HMCN1: variants seen among roughly 807,000 people sequenced by gnomAD.
HMCN1 encodes the protein hemicentin 1.
Under a neutral mutation model 625.9 loss-of-function variants are expected in HMCN1, and 321 were observed. That is an observed-to-expected ratio of 0.51 (90% CI 0.47 to 0.56). The LOEUF is 0.56. HMCN1 is among the 20% of genes least tolerant of loss of function. The pLI, the probability that HMCN1 is intolerant of heterozygous loss-of-function variation, is 0.00. For synonymous variants in HMCN1, 2,425 were observed against 2,417.6 expected (o/e 1.00, Z -0.09); for missense variants, 6,588 against 6,887.3 (o/e 0.96, Z 1.54).
At chr1:185,971,711 T>C (rs1650847860) in intron 15 of HMCN1, among the ~76,000 whole-genome samples, 1 of 152,218 alleles carries the variant, frequency 6.6e-6, no homozygotes, top group South Asian at 2.1e-4. Context: ...CCTAACTTGA[T>C]ATTTGTTTCA....
chr1:186,089,146 C>T (rs1659697780), intron 63 of HMCN1, among the ~76,000 whole-genome samples: 1 of 151,928 alleles, frequency 6.6e-6, no homozygotes, highest in Non-Finnish European at 1.5e-5. Context: ...TATGATCTGA[C>T]CGCAGGTAGA....
At chr1:186,184,620 C>A (rs1157242167) in intron 105 of HMCN1, among the ~76,000 whole-genome samples, 6 of 152,110 alleles carry the variant, frequency 3.9e-5, no homozygotes, top group Admixed American at 3.9e-4. Flanking sequence ...TCTTATTCAT[C>A]CGTGTTTTAA....
chr1:185,902,397 CTATCTATCTCTA>C (rs1475954921), intron 4 of HMCN1, among the ~76,000 whole-genome samples: 3 of 136,306 alleles, frequency 2.2e-5, no homozygotes, highest in South Asian at 2.3e-4. Context: ...ATCTATCTAT[CTATCTATCTCTA>C]TCTATCTATC....
intron 36 of HMCN1, among the ~76,000 whole-genome samples, chr1:186,027,128 C>T (rs1307984021): frequency 6.6e-6 from 1 of 152,132 alleles, no homozygotes; most frequent in Non-Finnish European, 1.5e-5. Flanking sequence ...TTTCTCAAAG[C>T]TGTAGTAAGG....
chr1:186,125,175 T>C (rs1661584868), intron 81 of HMCN1, among the ~76,000 whole-genome samples: 1 of 152,146 alleles, frequency 6.6e-6, no homozygotes, highest in African/African-American at 2.4e-5. Context: ...GGGTGAGTGT[T>C]TTATAGTGTT....
rs532532861 is a variant in HMCN1, at chr1:185,877,455, T to A, written c.621+11592T>A. 9.2e-5 allele frequency among the ~76,000 whole-genome samples: 14 copies of A among 151,738 alleles called. No homozygotes were observed. The South Asian group carries it at 1.0e-3, about 11-fold the overall frequency. On this transcript the variant is annotated intron_variant, in intron 4 of 106. Transcript: ENST00000271588. ...ATTACTTTGGCTATAGGGCTCTTTT[T>A]TGGTTCAATATTAATTTCAGGATTT...
At chr1:186,091,094 G>C (rs1659817863) in intron 64 of HMCN1, among the ~76,000 whole-genome samples, 177 bp downstream of exon 64, 1 of 151,970 alleles carries the variant, frequency 6.6e-6, no homozygotes, top group South Asian at 2.1e-4. Flanking sequence ...ATTCTCGTTA[G>C]AGAGTCACTC....
chr1:185,973,198 G>T (rs1650951111), intron 15 of HMCN1, among the ~76,000 whole-genome samples: 1 of 152,258 alleles, frequency 6.6e-6, no homozygotes, highest in East Asian at 1.9e-4. Context: ...CATATCAGCT[G>T]TTACTGCTGT....
chr1:186,132,524 G>C (rs758338643), intron 86 of HMCN1, 115 bp downstream of exon 86: 1 of 830,808 alleles, frequency 1.2e-6, no homozygotes, highest in Non-Finnish European at 2.0e-6. Flanking sequence ...CTCAGAGTGT[G>C]TCTAATTTAG....
intron 75 of HMCN1, among the ~76,000 whole-genome samples, 169 bp downstream of exon 75, chr1:186,115,583 T>C (rs543816008): frequency 1.2e-4 from 18 of 152,322 alleles, no homozygotes; most frequent in African/African-American, 4.1e-4. Flanking sequence ...AAAATATTTT[T>C]CTGAATTATA....
At chr1:185,944,587 A>C (rs1159721685) in intron 11 of HMCN1, among the ~76,000 whole-genome samples, 1 of 152,178 alleles carries the variant, frequency 6.6e-6, no homozygotes, top group East Asian at 1.9e-4. Flanking sequence ...CTTTCTCTAG[A>C]GCTTTATAGA....
chr1:185,898,408 G>T (rs1282934176), intron 4 of HMCN1, among the ~76,000 whole-genome samples: 1 of 152,140 alleles, frequency 6.6e-6, no homozygotes, highest in East Asian at 1.9e-4. Context: ...GTCTGAAAAA[G>T]AATGAAGTCT....
chr1:185,900,094 A>G (rs1439940985), intron 4 of HMCN1, among the ~76,000 whole-genome samples: 1 of 151,664 alleles, frequency 6.6e-6, no homozygotes, highest in Non-Finnish European at 1.5e-5. Flanking sequence ...TTACTTTTCA[A>G]ACTCTCCCTT....
At chr1:186,164,515 T>A (rs565550579) in intron 97 of HMCN1, among the ~76,000 whole-genome samples, 4 of 152,280 alleles carry the variant, frequency 2.6e-5, no homozygotes, top group African/African-American at 9.6e-5. Context: ...AGTGCTGGGA[T>A]TACAGGCATG....
intron 15 of HMCN1, among the ~76,000 whole-genome samples, chr1:185,973,222 T>C (rs1328181059): frequency 6.6e-6 from 1 of 152,168 alleles, no homozygotes; most frequent in Non-Finnish European, 1.5e-5. Context: ...TCTAAAGCTG[T>C]TTAATGAAAC....
At chr1:186,109,868 C>T (rs921990347) in intron 71 of HMCN1, among the ~76,000 whole-genome samples, 12 of 152,148 alleles carry the variant, frequency 7.9e-5, no homozygotes, top group African/African-American at 2.9e-4. Flanking sequence ...AGCTCACAAG[C>T]CCTTTCATGC....
At chr1:186,146,028 AG>A (rs1650297710) in intron 93 of HMCN1, 105 bp downstream of exon 93, 30 of 1,108,884 alleles carry the variant, frequency 2.7e-5, no homozygotes, top group African/African-American at 1.9e-4. Context: ...AGGTGGAATT[AG>A]AAAAAAAAAA....
In HMCN1 at chr1:185,909,491, A is replaced by G; in HGVS notation, c.776A>G (p.Glu259Gly). 6.2e-7 allele frequency: 1 copy of G among 1,613,328 alleles called. No homozygotes were observed. The highest frequency in any genetic ancestry group is 8.5e-7 in the Non-Finnish European group (1 of 1,179,398). Residue 259 changes from glutamate (E) to glycine (G), a missense_variant, in exon 5 of 107, where the codon GAA becomes GGA. Physicochemically the swap from Glu to Gly is moderately conservative, Grantham distance 98. Transcript: ENST00000271588. Reference sequence around the variant, plus strand: ...TTGAGTGGGCCTTCTCCAATGATTGAAATTCGCAATCCTTTAGGTGAGATA... The same window carrying G: ...TTGAGTGGGCCTTCTCCAATGATTGGAATTCGCAATCCTTTAGGTGAGATA... ...VSLSGPSPMI[E>G]IRNPLGKLIK... is the part of the protein sequence containing the mutation.
At chr1:185,853,897 A>G (rs891197381) in intron 2 of HMCN1, among the ~76,000 whole-genome samples, 2 of 152,196 alleles carry the variant, frequency 1.3e-5, no homozygotes, top group African/African-American at 4.8e-5. Context: ...TACATGAGTC[A>G]TTGCGTGGCA....
Sources: gnomAD v4.1 joint callset for allele counts (sites outside exome capture counted in the v4.1 genomes callset) on GRCh38, gnomAD v4.1.1 for gene constraint, MANE v1.5 for transcripts, NCBI Gene and HGNC (gene_info 2026-07-23, HGNC 2026-07-21) for gene names.